Variants in TRIM51 observed in about 807,000 individuals in gnomAD.
The protein encoded by TRIM51 is tripartite motif-containing protein 51.
TRIM51 carries 23 observed loss-of-function variants against 32.7 expected under a neutral mutation model. The ratio of observed to expected loss-of-function variants is 0.70; its 90% confidence interval spans 0.51 to 1.00. The LOEUF is 1.00. Ranked by LOEUF, TRIM51 falls within the 50% of genes least tolerant of loss-of-function variation. TRIM51 has a pLI of 0.00. For missense variants in TRIM51, 592 were observed against 539.2 expected (o/e 1.10, Z -0.97); for synonymous variants, 177 against 181.9 (o/e 0.97, Z 0.22).
In TRIM51 at chr11:55,885,508, C is replaced by A. The variant is rs1299433367; in HGVS notation, c.80C>A (p.Thr27Asn). Residue 27 changes from threonine (T) to asparagine (N), a missense_variant, in exon 2 of 7, where the codon ACC becomes AAC. Coordinates refer to ENST00000449290, the MANE Select transcript of TRIM51 (RefSeq NM_032681.4). The part of the protein sequence containing the change: ...ICMNYFLDPV[T>N]IDCGHSFCRP... The stretch of plus-strand genomic sequence containing the variant: ...ATGAACTACTTCCTAGACCCAGTCA[C>A]CATAGACTGTGGGCACAGCTTTTGC... 2 of 1,611,976 alleles carry A rather than the reference C, an allele frequency of 1.2e-6. No homozygotes were observed. The highest frequency in any genetic ancestry group is 2.7e-5 in the African/African-American group (2 of 74,846).
At chr11:55,889,080 A>G (rs1424994004) in intron 5 of TRIM51, 79 bp downstream of exon 5, 23 of 1,245,638 alleles carry the variant, frequency 1.8e-5, no homozygotes, top group Non-Finnish European at 2.7e-5. Flanking sequence ...TGAAGGTATA[A>G]TTGATTCAGA....
At chr11:55,886,332 A>G in intron 3 of TRIM51, 114 bp downstream of exon 3, 1 of 869,484 alleles carries the variant, frequency 1.2e-6, no homozygotes, top group East Asian at 2.5e-5. Context: ...ATAAACAAGG[A>G]AAAAACACTT....
rs745698022 is a variant in TRIM51, at chr11:55,885,795, A to G, written c.367A>G (p.Asn123Asp). 3 of 1,611,788 alleles carry G rather than the reference A, an allele frequency of 1.9e-6. No homozygotes were observed. Among genetic ancestry groups the G allele is most frequent in the South Asian group, 2.2e-5 (2 of 90,984 alleles). ...LPCSNSQEHR[N>D]HIHCPIEWAA... is the part of the protein sequence containing the mutation. ...GTGCTCCAACTCTCAGGAGCACCGG[A>G]ATCACATACACTGTCCCATTGAGTG... The change falls in exon 2 of 7, where the codon AAT (asparagine) becomes GAT (aspartate). Residue 123 changes from asparagine to aspartate, a missense_variant. Asn to Asp is a conservative substitution (Grantham distance 23). Coordinates refer to ENST00000449290, the MANE Select transcript of TRIM51 (RefSeq NM_032681.4).
chr11:55,891,005 C>G, intron 6 of TRIM51, 128 bp from the exon 7 acceptor site: 1 of 675,168 alleles, frequency 1.5e-6, no homozygotes, highest in Admixed American at 2.9e-5. Flanking sequence ...GTTGTAGTCA[C>G]AATTCTCCTG....
At chr11:55,886,841 G>T (rs1472792052) in intron 3 of TRIM51, among the ~76,000 whole-genome samples, 1 of 152,132 alleles carries the variant, frequency 6.6e-6, no homozygotes, top group Non-Finnish European at 1.5e-5. Context: ...AAGAATTCTA[G>T]AAATGATTTT....
rs1854576128 is a variant in TRIM51 at position 55,886,206 on chromosome 11, C to T, written c.495C>T (p.Thr165=). The change falls in exon 3 of 7, where the codon ACC becomes ACT. Residue 165 remains threonine, a synonymous_variant. Transcript: ENST00000449290. The part of the protein sequence containing the change: ...LRNLNMETTR[T]RCWKDYVSLR... ...ATCTGAACATGGAAACCACAAGAAC[C>T]AGATGCTGGAAGGTTAGTACCGTAT... 1.9e-6 allele frequency: 3 copies of T among 1,613,340 alleles called. No homozygotes were observed. The highest frequency in any genetic ancestry group is 3.3e-4 in the Middle Eastern group (2 of 6,048).
chr11:55,891,538 T>C lies in TRIM51; in HGVS notation c.1265T>C (p.Phe422Ser), dbSNP rs769667972. The change falls in exon 7 of 7, where the codon TTT becomes TCT. Residue 422 changes from phenylalanine to serine, a missense_variant. By Grantham distance (155) the Phe-to-Ser change is radical. Coordinates refer to ENST00000449290, the MANE Select transcript of TRIM51 (RefSeq NM_032681.4). ...GATTGTGAAGGTAGAACCGTGAGCT[T>C]TGTTGATGTTGATCAAAGTTCCCTG... The part of the protein sequence containing the change: ...FLDCEGRTVS[F>S]VDVDQSSLIY... 8 of 1,613,606 alleles carry C rather than the reference T, an allele frequency of 5.0e-6. No individual in the cohort carries two copies. The highest frequency in any genetic ancestry group is 6.8e-6 in the Non-Finnish European group (8 of 1,179,716).
chr11:55,888,115 C>T lies in TRIM51; in HGVS notation c.591C>T (p.His197=), dbSNP rs1854600434. ...PAFLHEEEQH[H]LERLRKEGED... ...TTCTCCATGAAGAAGAGCAACATCACTTGGAAAGGCTGCGAAAGGAGGGCG... is the reference window on the plus strand; with the variant it reads ...TTCTCCATGAAGAAGAGCAACATCATTTGGAAAGGCTGCGAAAGGAGGGCG... Residue 197 remains histidine, a synonymous_variant, in exon 4 of 7, where the codon CAC becomes CAT. Transcript: ENST00000449290. 1.2e-6 allele frequency: 2 copies of T among 1,613,626 alleles called. No homozygotes were observed. Among genetic ancestry groups the T allele is most frequent in the East Asian group, 2.2e-5 (1 of 44,860 alleles).
intron 1 of TRIM51, among the ~76,000 whole-genome samples, chr11:55,885,096 G>T (rs937241137): frequency 1.3e-5 from 2 of 152,042 alleles, no homozygotes; most frequent in Admixed American, 6.6e-5. Context: ...GAGAAATAGG[G>T]ACAAGCATGT....
rs1325298678 is a variant in TRIM51 at position 55,885,825 on chromosome 11, G to A, written c.397G>A (p.Ala133Thr). The change falls in exon 2 of 7, where the codon GCT becomes ACT. Residue 133 changes from alanine (A) to threonine (T), a missense_variant. Physicochemically the swap from Ala to Thr is moderately conservative, Grantham distance 58. Transcript: ENST00000449290. ...NHIHCPIEWAAEERREELLKK... is the reference protein window; with the variant it reads ...NHIHCPIEWATEERREELLKK... ...CATACACTGTCCCATTGAGTGGGCTGCTGAGGAACGCCGGGTAAGTGATGC... is the reference window on the plus strand; with the variant it reads ...CATACACTGTCCCATTGAGTGGGCTACTGAGGAACGCCGGGTAAGTGATGC... The A allele has an allele frequency of 1.9e-6, 3 of 1,611,740 alleles. No individual in the cohort carries two copies. The highest frequency in any genetic ancestry group is 2.5e-6 in the Non-Finnish European group (3 of 1,179,678).
rs1280215584 is a variant in TRIM51, at chr11:55,886,178, G to A, written c.467G>A (p.Arg156Lys). Residue 156 changes from arginine to lysine, a missense_variant, in exon 3 of 7, where the codon AGA becomes AAA. Physicochemically the swap from Arg to Lys is conservative, Grantham distance 26 (BLOSUM62 2). Transcript: ENST00000449290. ...SLWEKACENL[R>K]NLNMETTRTR... is the part of the protein sequence containing the mutation. ...TGGGAAAAAGCTTGTGAAAATCTCA[G>A]AAATCTGAACATGGAAACCACAAGA... The A allele has an allele frequency of 8.1e-6, 13 of 1,613,526 alleles. No individual in the cohort carries two copies. Among genetic ancestry groups the A allele is most frequent in the Non-Finnish European group, 1.1e-5 (13 of 1,179,622 alleles).
At position 55,890,019 on chromosome 11, in the gene TRIM51, A is replaced by G. The variant is rs768185675; in HGVS notation, c.839A>G (p.Asp280Gly). Residue 280 changes from aspartate (D) to glycine (G), a missense_variant, in exon 6 of 7, where the codon GAC becomes GGC. Transcript: ENST00000449290. Reference protein sequence around the residue: ...LSAGPITGLLDSLSGFRVDFT... With the variant: ...LSAGPITGLLGSLSGFRVDFT... Reference sequence around the variant, plus strand: ...GCAGGGCCCATCACTGGACTGCTGGACAGCCTCAGTGGATTCAGAGGTGAG... The same window carrying G: ...GCAGGGCCCATCACTGGACTGCTGGGCAGCCTCAGTGGATTCAGAGGTGAG... The G allele has an allele frequency of 1.2e-5, 20 of 1,613,196 alleles. No individual in the cohort carries two copies. Among genetic ancestry groups the G allele is most frequent in the Non-Finnish European group, 1.6e-5 (19 of 1,179,362 alleles).
chr11:55,888,692 A>C (rs1854608673), intron 4 of TRIM51, among the ~76,000 whole-genome samples: 1 of 152,138 alleles, frequency 6.6e-6, no homozygotes. Context: ...TTAGGGAAGA[A>C]GACTGAGTAG....
At position 55,884,650 on chromosome 11, in the gene TRIM51, C is replaced by G. The variant is rs118080224; in HGVS notation, c.-4-775C>G. On this transcript the variant is annotated intron_variant, in intron 1 of 6. Coordinates refer to ENST00000449290, the MANE Select transcript of TRIM51 (RefSeq NM_032681.4). ...TTACATGACTCTCCGGAAACACCTT[C>G]ACAGACTCACCCAGAAATCATGCTT... Among the ~76,000 whole-genome samples the G allele has an allele frequency of 3.7e-3, 557 of 152,242 alleles. 4 individuals carry two copies. The highest frequency in any genetic ancestry group is 5.9e-3 in the Non-Finnish European group (404 of 68,022).
intron 6 of TRIM51, among the ~76,000 whole-genome samples, chr11:55,890,445 T>C (rs1277933781): frequency 8.5e-5 from 13 of 152,198 alleles, no homozygotes; most frequent in Admixed American, 8.5e-4. Flanking sequence ...TGTTGGAGTA[T>C]TTGTACTTTC....
intron 2 of TRIM51, 87 bp from the exon 3 acceptor site, chr11:55,886,036 G>A: frequency 6.7e-7 from 1 of 1,493,764 alleles, no homozygotes; most frequent in Non-Finnish European, 9.1e-7. Context: ...GGGTTAATTT[G>A]TCTCTCATTT....
Position 55,889,928 on chromosome 11 carries a change from C to G in TRIM51, c.762-14C>G. 6.2e-7 allele frequency: 1 copy of G among 1,604,040 alleles called. No homozygotes were observed. The highest frequency in any genetic ancestry group is 8.5e-7 in the Non-Finnish European group (1 of 1,171,744). ...TTGGCTGTAGATGTGATAACCCTATCTTTCCCCTTGCAGGTATGAGTCTCT... is the reference window on the plus strand; with the variant it reads ...TTGGCTGTAGATGTGATAACCCTATGTTTCCCCTTGCAGGTATGAGTCTCT... On this transcript the variant is annotated splice_polypyrimidine_tract_variant and intron_variant, in intron 5 of 6. Transcript: ENST00000449290.
chr11:55,889,492 G>A (rs1203371336), intron 5 of TRIM51, among the ~76,000 whole-genome samples: 1 of 152,130 alleles, frequency 6.6e-6, no homozygotes, highest in Admixed American at 6.5e-5. Context: ...TTTGAACCGT[G>A]TAGGCCTCCA....
In TRIM51 at chr11:55,889,005, A is replaced by T; in HGVS notation, c.761+4A>T. 1 of 1,611,352 alleles carries T rather than the reference A, an allele frequency of 6.2e-7. No homozygotes were observed. Among genetic ancestry groups the T allele is most frequent in the South Asian group, 1.1e-5 (1 of 90,902 alleles). ...CTTTTGGAGACATATTACACAGGTGAGTGCACACCAAGATTTTAGCAGATG... is the reference window on the plus strand; with the variant it reads ...CTTTTGGAGACATATTACACAGGTGTGTGCACACCAAGATTTTAGCAGATG... On this transcript the variant is annotated splice_donor_region_variant and intron_variant, in intron 5 of 6. Coordinates refer to ENST00000449290, the MANE Select transcript of TRIM51 (RefSeq NM_032681.4).
Sources: allele counts gnomAD v4.1 joint callset (sites outside exome capture counted in the v4.1 genomes callset), GRCh38; gene constraint gnomAD v4.1.1; transcripts MANE v1.5; gene names NCBI Gene and HGNC (gene_info 2026-07-23, HGNC 2026-07-21).